CDC42SE2: variants seen among roughly 807,000 people sequenced by gnomAD.
CDC42SE2 encodes the protein CDC42 small effector 2.
In CDC42SE2, 3 loss-of-function variants were observed where a neutral mutation model predicts 11.5. The observed-to-expected ratio is 0.26, with a 90% confidence interval of 0.12 to 0.67. The LOEUF is 0.67. Among genes scored for constraint, CDC42SE2 ranks in the 30% least tolerant of loss-of-function variants. The pLI is 0.80. For missense variants in CDC42SE2, 82 were observed against 106.8 expected (o/e 0.77, Z 1.02); for synonymous variants, 33 against 34.8 (o/e 0.95, Z 0.18).
At chr5:131,342,606 T>G (rs1180902896) in intron 2 of CDC42SE2, among the ~76,000 whole-genome samples, 1 of 151,920 alleles carries the variant, frequency 6.6e-6, no homozygotes, top group Non-Finnish European at 1.5e-5. Context: ...GCCAGGCTGG[T>G]CTTGAACTCC....
At chr5:131,347,846 T>A (rs1002309135) in intron 2 of CDC42SE2, among the ~76,000 whole-genome samples, 9 of 152,186 alleles carry the variant, frequency 5.9e-5, no homozygotes, top group African/African-American at 2.2e-4. Context: ...TGGTTCAACA[T>A]ATGCAAATCA....
At chr5:131,314,840 A>G (rs1032725488) in intron 1 of CDC42SE2, among the ~76,000 whole-genome samples, 3 of 152,212 alleles carry the variant, frequency 2.0e-5, no homozygotes, top group South Asian at 2.1e-4. Context: ...TTAATGAAGT[A>G]CCAGTATTCT....
intron 2 of CDC42SE2, among the ~76,000 whole-genome samples, chr5:131,334,952 G>A (rs1464902496): frequency 6.6e-6 from 1 of 152,082 alleles, no homozygotes; most frequent in Non-Finnish European, 1.5e-5. Context: ...AGGCTTTTTT[G>A]TGTCTTTGTT....
chr5:131,217,168 A>G, the CDC42SE2 span, among the ~76,000 whole-genome samples: 4 of 152,354 alleles, frequency 2.6e-5, no homozygotes, highest in East Asian at 7.7e-4. Context: ...TTTGATTGGA[A>G]TATAAGTATG....
intron 2 of CDC42SE2, among the ~76,000 whole-genome samples, chr5:131,341,898 TA>T (rs1056198794): frequency 4.7e-4 from 64 of 136,418 alleles, no homozygotes; most frequent in Non-Finnish European, 6.3e-4. Context: ...CTTGTCTCAA[TA>T]AAAAAAAAAA....
chr5:131,267,848 G>A (rs1309997211), intron 1 of CDC42SE2, among the ~76,000 whole-genome samples: 1 of 151,818 alleles, frequency 6.6e-6, no homozygotes, highest in Non-Finnish European at 1.5e-5. Flanking sequence ...AGTTTGTTAA[G>A]GTTTTATAAG....
chr5:131,218,869 G>T, the CDC42SE2 span, among the ~76,000 whole-genome samples: 1 of 152,068 alleles, frequency 6.6e-6, no homozygotes, highest in Non-Finnish European at 1.5e-5. Context: ...AAAATTTGTT[G>T]GTTGTGTGCT....
chr5:131,226,076 G>A, the CDC42SE2 span, among the ~76,000 whole-genome samples: 1 of 152,188 alleles, frequency 6.6e-6, no homozygotes. Context: ...AATTGGTCCT[G>A]GGGTAGCAAG....
At chr5:131,299,999 A>G (rs1040198389) in intron 1 of CDC42SE2, among the ~76,000 whole-genome samples, 3 of 152,162 alleles carry the variant, frequency 2.0e-5, no homozygotes, top group East Asian at 1.9e-4. Flanking sequence ...AGCCTGTCAC[A>G]GTATCTGACA....
intron 1 of CDC42SE2, among the ~76,000 whole-genome samples, chr5:131,251,043 A>G (rs959606282): frequency 1.3e-5 from 2 of 152,218 alleles, no homozygotes; most frequent in East Asian, 3.8e-4. Context: ...GCTTTTAAAA[A>G]TTTCATTAAT....
At chr5:131,336,326 C>T (rs1758560902) in intron 2 of CDC42SE2, among the ~76,000 whole-genome samples, 1 of 152,346 alleles carries the variant, frequency 6.6e-6, no homozygotes, top group East Asian at 1.9e-4. Context: ...TATAGAGTTT[C>T]TGCCGAGAGA....
chr5:131,259,687 C>T (rs1243892462), upstream of CDC42SE2, among the ~76,000 whole-genome samples: 3 of 152,214 alleles, frequency 2.0e-5, no homozygotes, highest in African/African-American at 4.8e-5. Context: ...CTAGACACAA[C>T]TGAGAATGAA....
intron 1 of CDC42SE2, among the ~76,000 whole-genome samples, chr5:131,297,783 A>G (rs1244985855): frequency 6.6e-6 from 1 of 151,902 alleles, no homozygotes; most frequent in Non-Finnish European, 1.5e-5. Flanking sequence ...AAGTTACCAC[A>G]TCCTAAAAAA....
intron 3 of CDC42SE2, among the ~76,000 whole-genome samples, chr5:131,375,217 A>C (rs1037167040): frequency 6.7e-6 from 1 of 148,566 alleles, no homozygotes; most frequent in African/African-American, 2.6e-5. Context: ...TGAAAAGGTC[A>C]CTATAGATTT....
At chr5:131,284,645 A>T (rs911405364) in intron 1 of CDC42SE2, among the ~76,000 whole-genome samples, 6 of 151,722 alleles carry the variant, frequency 4.0e-5, no homozygotes, top group South Asian at 4.2e-4. Flanking sequence ...TAATTTAAAA[A>T]TTTTTTTTGG....
At chr5:131,388,786 T>C (rs1038942739) in intron 4 of CDC42SE2, among the ~76,000 whole-genome samples, 3 of 152,224 alleles carry the variant, frequency 2.0e-5, no homozygotes, top group East Asian at 1.9e-4. Flanking sequence ...ACTTTTTTTT[T>C]CTTAGAATCT....
At chr5:131,309,963 C>G (rs1307513463) in intron 1 of CDC42SE2, among the ~76,000 whole-genome samples, 1 of 151,972 alleles carries the variant, frequency 6.6e-6, no homozygotes, top group Non-Finnish European at 1.5e-5. Flanking sequence ...CTGCTCTGAT[C>G]TTAGTTATTT....
At chr5:131,286,664 G>T (rs1757348160) in intron 1 of CDC42SE2, among the ~76,000 whole-genome samples, 1 of 151,522 alleles carries the variant, frequency 6.6e-6, no homozygotes, top group Non-Finnish European at 1.5e-5. Flanking sequence ...CTTCTCTTCA[G>T]TCTACTCAAC....
the CDC42SE2 span, among the ~76,000 whole-genome samples, chr5:131,231,965 T>G: frequency 6.6e-6 from 1 of 152,006 alleles, no homozygotes; most frequent in Non-Finnish European, 1.5e-5. Context: ...CTAACTTGTA[T>G]TTTTAGTAGA....
Sources: gnomAD v4.1 joint callset for allele counts (sites outside exome capture counted in the v4.1 genomes callset) on GRCh38, gnomAD v4.1.1 for gene constraint, MANE v1.5 for transcripts, NCBI Gene and HGNC (gene_info 2026-07-23, HGNC 2026-07-21) for gene names.